The following ANKRD30B variants were observed in gnomAD, a reference collection of about 807,000 sequenced individuals.
The protein encoded by ANKRD30B is ankyrin repeat domain 30B.
In ANKRD30B, 144 loss-of-function variants were observed where a neutral mutation model predicts 202.2. The observed-to-expected ratio is 0.71, with a 90% confidence interval of 0.62 to 0.82. The LOEUF is 0.82. ANKRD30B is among the 40% of genes least tolerant of loss of function. The pLI is 0.00. For missense variants in ANKRD30B, 1,487 were observed against 1,669.1 expected, an observed-to-expected ratio of 0.89 and a Z score of 1.90; for synonymous variants, 508 against 561.3, an observed-to-expected ratio of 0.91 and a Z score of 1.34.
chr18:14,793,560 T>G (rs1284790989), intron 16 of ANKRD30B, among the ~76,000 whole-genome samples: 3 of 151,942 alleles, frequency 2.0e-5, no homozygotes, highest in Non-Finnish European at 4.4e-5. Flanking sequence ...CTACAGCAAC[T>G]TTTTATTTTT....
chr18:14,860,568 G>C, the ANKRD30B span, among the ~76,000 whole-genome samples: 1 of 149,742 alleles, frequency 6.7e-6, no homozygotes, highest in Non-Finnish European at 1.5e-5. Flanking sequence ...TCACCTCCCA[G>C]ATGATGGGCT....
At chr18:14,928,465 A>G in the ANKRD30B span, among the ~76,000 whole-genome samples, 15 of 152,186 alleles carry the variant, frequency 9.9e-5, no homozygotes, top group Admixed American at 9.8e-4. Context: ...CCTCAACAGA[A>G]AGAACAAAGT....
At chr18:14,913,027 T>C in the ANKRD30B span, among the ~76,000 whole-genome samples, 1 of 152,276 alleles carries the variant, frequency 6.6e-6, no homozygotes, top group Non-Finnish European at 1.5e-5. Context: ...GTTTCCTGTC[T>C]GTGACTGACC....
chr18:14,919,066 T>C, the ANKRD30B span, among the ~76,000 whole-genome samples: 7 of 152,326 alleles, frequency 4.6e-5, no homozygotes, highest in African/African-American at 1.2e-4. Flanking sequence ...TTGTGTTTAT[T>C]AGAAATTACT....
In ANKRD30B at chr18:14,799,285, AT is replaced by A. The variant is rs1297035073; in HGVS notation, c.2123del (p.Phe708SerfsTer49). 4 of 1,531,044 alleles carry A rather than the reference AT, an allele frequency of 2.6e-6. No homozygotes were observed. In the Admixed American group the frequency reaches 8.9e-5, roughly 34 times the overall value. 94.8% of individuals were successfully genotyped at this position (1,531,044 alleles called of 1,614,324 possible). On this transcript the variant is annotated frameshift_variant, in exon 22 of 44. Transcript: ENST00000690538. LOFTEE classifies it high-confidence loss of function. ...KALELKDRET[F>X]KAAQMFPSES... ...CTTTAGAATTGAAGGACAGAGAAAC[AT>A]TCAAAGCAGGTAAATTTTGCAATTT...
intron 41 of ANKRD30B, among the ~76,000 whole-genome samples, chr18:14,851,080 T>C (rs188914673): frequency 7.4e-4 from 113 of 152,024 alleles, no homozygotes; most frequent in Middle Eastern, 3.4e-3. Flanking sequence ...TGAAAGAGCT[T>C]CCAGAAATTT....
At chr18:14,887,021 A>G in the ANKRD30B span, among the ~76,000 whole-genome samples, 1 of 152,124 alleles carries the variant, frequency 6.6e-6, no homozygotes, top group South Asian at 2.1e-4. Flanking sequence ...TCATCTATAA[A>G]TGTATTACCA....
intron 7 of ANKRD30B, among the ~76,000 whole-genome samples, chr18:14,767,328 C>T (rs1799578695): frequency 6.6e-6 from 1 of 151,802 alleles, no homozygotes; most frequent in Admixed American, 6.6e-5. Flanking sequence ...AGTATGAAAC[C>T]CTATATATAC....
chr18:14,927,495 T>C, the ANKRD30B span, among the ~76,000 whole-genome samples: 1 of 152,156 alleles, frequency 6.6e-6, no homozygotes, highest in Non-Finnish European at 1.5e-5. Context: ...TTCCAACACC[T>C]TCCTAACCAG....
At chr18:14,886,011 A>G in the ANKRD30B span, among the ~76,000 whole-genome samples, 3 of 152,028 alleles carry the variant, frequency 2.0e-5, no homozygotes, top group African/African-American at 7.2e-5. Context: ...ACAAAAGGTG[A>G]ATAGGAATCT....
At chr18:14,882,535 T>C in the ANKRD30B span, among the ~76,000 whole-genome samples, 36 of 152,348 alleles carry the variant, frequency 2.4e-4, no homozygotes, top group East Asian at 6.7e-3. Flanking sequence ...ATATGGTCTA[T>C]CTTAGAGAAA....
chr18:14,766,403 G>A (rs1316476704), intron 7 of ANKRD30B, among the ~76,000 whole-genome samples: 9 of 142,784 alleles, frequency 6.3e-5, no homozygotes, highest in African/African-American at 1.3e-4. Flanking sequence ...AACCCAGGAG[G>A]TGGAGGTTGC....
At chr18:14,756,415 C>T (rs1045965508) in intron 4 of ANKRD30B, among the ~76,000 whole-genome samples, 2 of 152,102 alleles carry the variant, frequency 1.3e-5, no homozygotes, top group Non-Finnish European at 2.9e-5. Flanking sequence ...TTAATTAGAT[C>T]CCATTTGTCA....
At chr18:14,800,270 T>G (rs1193685535) in intron 22 of ANKRD30B, among the ~76,000 whole-genome samples, 1 of 150,038 alleles carries the variant, frequency 6.7e-6, no homozygotes, top group Non-Finnish European at 1.5e-5. Context: ...TGTGTGGTTC[T>G]GACTATGTGT....
intron 39 of ANKRD30B, among the ~76,000 whole-genome samples, chr18:14,844,551 C>T (rs1323643950): frequency 1.2e-4 from 19 of 152,256 alleles, no homozygotes; most frequent in South Asian, 6.2e-4. Context: ...CATATGTGTG[C>T]GTGTGTCTTT....
At chr18:14,841,956 T>G (rs1971436113) in intron 37 of ANKRD30B, among the ~76,000 whole-genome samples, 1 of 152,212 alleles carries the variant, frequency 6.6e-6, no homozygotes, top group South Asian at 2.1e-4. Flanking sequence ...TCTAAGAGCA[T>G]TAGCTTTATT....
chr18:14,806,958 T>C (rs1279473006), intron 24 of ANKRD30B, among the ~76,000 whole-genome samples: 1 of 151,006 alleles, frequency 6.6e-6, no homozygotes, highest in African/African-American at 2.4e-5. Context: ...GAGAACGACC[T>C]TCTCATCGTA....
At chr18:14,823,658 T>C (rs138845910) in intron 32 of ANKRD30B, among the ~76,000 whole-genome samples, 15 of 152,278 alleles carry the variant, frequency 9.9e-5, no homozygotes, top group Non-Finnish European at 2.1e-4. Flanking sequence ...GCTTTTGTTG[T>C]CATTCCCATG....
chr18:14,876,827 G>C, the ANKRD30B span, among the ~76,000 whole-genome samples: 5 of 152,224 alleles, frequency 3.3e-5, no homozygotes, highest in African/African-American at 1.2e-4. Flanking sequence ...AAGTTCACCT[G>C]TTTATGAATA....
Sources: allele counts gnomAD v4.1 joint callset (sites outside exome capture counted in the v4.1 genomes callset), GRCh38; gene constraint gnomAD v4.1.1; transcripts MANE v1.5; gene names NCBI Gene and HGNC (gene_info 2026-07-23, HGNC 2026-07-21).